The following SUMF1 variants were observed in gnomAD, a reference collection of about 807,000 sequenced individuals.
SUMF1 encodes the protein formylglycine-generating enzyme.
SUMF1 carries 48 observed loss-of-function variants against 47.6 expected under a neutral mutation model. The ratio of observed to expected loss-of-function variants is 1.01; its 90% CI spans 0.80 to 1.28. The LOEUF (loss-of-function observed/expected upper bound fraction) is 1.28. Among genes scored for constraint, SUMF1 ranks in the 50% most tolerant of loss-of-function variants. The probability of loss-of-function intolerance (pLI) is 0.00; values close to 1 mark genes in which losing one functional copy is unlikely to be tolerated. For synonymous variants in SUMF1, 230 were observed against 192.1 expected (o/e 1.20, Z -1.63); for missense variants, 571 against 485.4 (o/e 1.18, Z -1.66).
chr3:4,337,223 TTCCTTCCTTAC>T (rs1699172968), intron 8 of SUMF1, among the ~76,000 whole-genome samples: 2 of 6,996 alleles, frequency 2.9e-4, no homozygotes, highest in African/African-American at 5.1e-3. Context: ...TCTTCCTTCC[TTCCTTCCTTAC>T]TTCCTTCCCT....
At chr3:4,335,940 A>T (rs1699138164) in intron 8 of SUMF1, among the ~76,000 whole-genome samples, 1 of 133,012 alleles carries the variant, frequency 7.5e-6, no homozygotes, top group Admixed American at 8.0e-5. Context: ...CAGCCTGGAC[A>T]ACTGAGTGAG....
In SUMF1 at chr3:4,345,890, G is replaced by T. The variant is rs150901816; in HGVS notation, c.1014+30440C>A. On this transcript the variant is annotated intron_variant and NMD_transcript_variant, in intron 8 of 12. Coordinates refer to the SUMF1 transcript ENST00000448413. ...AAAAAAGCAGGGGTTGCAATCCTAG[G>T]CTCTGACAAAAGAGACTTTAAACCA... is the stretch of plus-strand genomic sequence containing the variant. 4.8e-3 allele frequency among the ~76,000 whole-genome samples: 734 copies of T among 152,124 alleles called. 7 individuals carry two copies. The highest frequency in any genetic ancestry group is 0.017 in the African/African-American group (708 of 41,498).
chr3:4,465,116 A>G (rs1464489505), intron 1 of SUMF1, among the ~76,000 whole-genome samples: 2 of 152,264 alleles, frequency 1.3e-5, no homozygotes, highest in African/African-American at 4.8e-5. Context: ...ACCAATGTAT[A>G]TATGCAAATG....
chr3:4,072,347 A>C lies in SUMF1; in HGVS notation c.1015-3602T>G, dbSNP rs184310157. 1.3e-3 allele frequency among the ~76,000 whole-genome samples: 197 copies of C among 152,366 alleles called. 4 individuals carry two copies. The highest frequency in any genetic ancestry group is 6.7e-3 in the Admixed American group (103 of 15,302). Reference sequence around the variant, plus strand: ...TGTAGGTCACCAACATCAAAGACCAAAAGTAGATAAAACCAAAAAGATGAG... The same window carrying C: ...TGTAGGTCACCAACATCAAAGACCACAAGTAGATAAAACCAAAAAGATGAG... On this transcript the variant is annotated intron_variant and NMD_transcript_variant, in intron 8 of 12. Transcript: ENST00000448413.
At chr3:4,304,266 C>A (rs942989505) in intron 8 of SUMF1, among the ~76,000 whole-genome samples, 1 of 152,158 alleles carries the variant, frequency 6.6e-6, no homozygotes, top group African/African-American at 2.4e-5. Context: ...CTCAGCCTCC[C>A]GAGTAGCTGG....
chr3:4,203,063 T>A (rs1028043933), intron 8 of SUMF1, among the ~76,000 whole-genome samples: 10 of 151,978 alleles, frequency 6.6e-5, no homozygotes, highest in African/African-American at 2.4e-4. Flanking sequence ...GCAGCCACCA[T>A]TGGATGAAAT....
intron 8 of SUMF1, among the ~76,000 whole-genome samples, chr3:4,367,187 G>A (rs1575139269): frequency 2.0e-5 from 3 of 152,200 alleles, no homozygotes; most frequent in Admixed American, 2.0e-4. Context: ...CCCACTTGAG[G>A]AGGCAGTCTG....
At chr3:4,294,810 A>G (rs1472900316) in intron 8 of SUMF1, among the ~76,000 whole-genome samples, 2 of 152,064 alleles carry the variant, frequency 1.3e-5, no homozygotes, top group Non-Finnish European at 2.9e-5. Context: ...CGCAAATGGG[A>G]GAAGTTCTAA....
intron 8 of SUMF1, among the ~76,000 whole-genome samples, chr3:4,153,801 C>T (rs1694392991): frequency 1.3e-5 from 2 of 151,194 alleles, no homozygotes; most frequent in African/African-American, 2.5e-5. Flanking sequence ...ATTATTGTTG[C>T]CTACAATTGC....
At chr3:4,358,204 C>G (rs1324576791), downstream of SUMF1, among the ~76,000 whole-genome samples, 1 of 152,082 alleles carries the variant, frequency 6.6e-6, no homozygotes, top group South Asian at 2.1e-4. Flanking sequence ...AGAGATACAC[C>G]TTGCTTCTCA....
At chr3:4,246,398 T>C (rs2125003405) in intron 8 of SUMF1, among the ~76,000 whole-genome samples, 1 of 151,660 alleles carries the variant, frequency 6.6e-6, no homozygotes, top group Non-Finnish European at 1.5e-5. Context: ...CTTGGAGTTT[T>C]TGTTTGTTTT....
chr3:4,398,112 T>A (rs569639388), intron 7 of SUMF1, among the ~76,000 whole-genome samples: 1 of 152,270 alleles, frequency 6.6e-6, no homozygotes, highest in Non-Finnish European at 1.5e-5. Context: ...CAAAACTGCA[T>A]GCTTTTAACC....
chr3:4,221,874 A>T (rs888984371), intron 8 of SUMF1, among the ~76,000 whole-genome samples: 3 of 152,148 alleles, frequency 2.0e-5, no homozygotes, highest in Non-Finnish European at 4.4e-5. Flanking sequence ...TCAAATGTTA[A>T]TAGTAATAAT....
chr3:4,180,883 C>G (rs982255714), intron 8 of SUMF1, among the ~76,000 whole-genome samples: 2 of 151,884 alleles, frequency 1.3e-5, no homozygotes, highest in African/African-American at 4.8e-5. Context: ...AACTTGGAGT[C>G]CCCACATGGT....
intron 9 of SUMF1, among the ~76,000 whole-genome samples, chr3:4,067,220 G>A (rs1695398741): frequency 6.6e-6 from 1 of 152,124 alleles, no homozygotes; most frequent in South Asian, 2.1e-4. Flanking sequence ...ACTTCCAATG[G>A]GTTATTTGGT....
At chr3:4,071,741 C>G (rs1208202268) in intron 8 of SUMF1, among the ~76,000 whole-genome samples, 1 of 152,204 alleles carries the variant, frequency 6.6e-6, no homozygotes, top group African/African-American at 2.4e-5. Flanking sequence ...GACTGCCTCT[C>G]TAGATTCCAT....
chr3:4,130,886 G>T (rs943660953), intron 8 of SUMF1, among the ~76,000 whole-genome samples: 4 of 152,100 alleles, frequency 2.6e-5, no homozygotes, highest in Admixed American at 6.6e-5. Context: ...TTTGCAAGCT[G>T]CTCTGCCACT....
intron 3 of SUMF1, among the ~76,000 whole-genome samples, chr3:4,435,196 G>A (rs9859047): frequency 0.045 from 6,921 of 152,178 alleles, 381 homozygotes; most frequent in African/African-American, 0.13. Context: ...CAAAGTGCTG[G>A]GACTACAGGC....
chr3:4,339,631 A>T (rs1699227641), intron 8 of SUMF1, among the ~76,000 whole-genome samples: 1 of 152,200 alleles, frequency 6.6e-6, no homozygotes, highest in Admixed American at 6.5e-5. Context: ...CCCCCTGGAA[A>T]GAGGTCTTGG....
Sources: gnomAD v4.1 joint callset for allele counts (sites outside exome capture counted in the v4.1 genomes callset) on GRCh38, gnomAD v4.1.1 for gene constraint, MANE v1.5 for transcripts, NCBI Gene and HGNC (gene_info 2026-07-23, HGNC 2026-07-21) for gene names.